The following EPHA7 variants were observed in gnomAD, a reference collection of about 807,000 sequenced individuals.
EPHA7 encodes the protein EPH receptor A7, also known as ephrin type-A receptor 7.
In EPHA7, 25 loss-of-function variants were observed where a neutral mutation model predicts 112.6. The ratio of observed to expected loss-of-function variants is 0.22; its 90% CI spans 0.16 to 0.31. EPHA7 has a LOEUF of 0.31. Ranked by LOEUF, EPHA7 falls within the 10% of genes least tolerant of loss-of-function variation. EPHA7 has a pLI of 1.00. For synonymous variants in EPHA7, 437 were observed against 406.5 expected (o/e 1.07, Z -0.90); for missense variants, 962 against 1,212.6 (o/e 0.79, Z 3.07).
chr6:93,338,217 T>C (rs1774969821), intron 5 of EPHA7, among the ~76,000 whole-genome samples: 1 of 152,082 alleles, frequency 6.6e-6, no homozygotes, highest in Non-Finnish European at 1.5e-5. Flanking sequence ...TCAGAGTGCT[T>C]GAGGAAATCA....
At chr6:93,254,579 T>A (rs1770353931) in intron 14 of EPHA7, 68 bp downstream of exon 14, 5 of 1,349,442 alleles carry the variant, frequency 3.7e-6, no homozygotes, top group Non-Finnish European at 3.1e-6. Flanking sequence ...AGCCTTTACC[T>A]ACATGTTCCA....
intron 16 of EPHA7, among the ~76,000 whole-genome samples, chr6:93,244,211 C>G (rs1404070438): frequency 6.6e-6 from 1 of 151,994 alleles, no homozygotes; most frequent in Non-Finnish European, 1.5e-5. Context: ...TAAAATATTG[C>G]AAAACTATAG....
intron 3 of EPHA7, among the ~76,000 whole-genome samples, chr6:93,405,813 G>GTGTGTATATATATATATA (rs1357089640): frequency 1.4e-5 from 1 of 73,984 alleles, no homozygotes; most frequent in East Asian, 6.1e-4. Flanking sequence ...GTGTGTGTGT[G>GTGTGTATATATATATATA]TATATATATA....
At position 93,415,379 on chromosome 6, in the gene EPHA7, AT is replaced by A. The variant is rs567627924; in HGVS notation, c.98-613del. 1.3e-5 allele frequency among the ~76,000 whole-genome samples: 2 copies of A among 151,740 alleles called. 1 individual carries two copies. The highest frequency in any genetic ancestry group is 6.4e-3 in the Middle Eastern group (2 of 314). ...TTAGTCAAGCATCAGTTTTTTCAGC[AT>A]TTTTTTTAATTTCTTAATTTTCAAA... On this transcript the variant is annotated intron_variant, in intron 1 of 16. Coordinates refer to ENST00000369303, the MANE Select transcript of EPHA7 (RefSeq NM_004440.4).
intron 3 of EPHA7, among the ~76,000 whole-genome samples, chr6:93,376,951 C>T (rs769115375): frequency 1.3e-5 from 2 of 152,158 alleles, no homozygotes; most frequent in Non-Finnish European, 2.9e-5. Flanking sequence ...CACCTTGATG[C>T]TTTACATTTT....
intron 5 of EPHA7, among the ~76,000 whole-genome samples, chr6:93,335,491 G>A (rs1287501830): frequency 1.3e-5 from 2 of 151,990 alleles, no homozygotes; most frequent in East Asian, 3.9e-4. Flanking sequence ...AGGACATAAG[G>A]AAATACTTTT....
At chr6:93,254,975 G>A (rs958524242) in intron 13 of EPHA7, among the ~76,000 whole-genome samples, 179 bp from the exon 14 acceptor site, 2 of 152,100 alleles carry the variant, frequency 1.3e-5, no homozygotes, top group African/African-American at 4.8e-5. Flanking sequence ...ACCATTACAA[G>A]TTTCATCATT....
chr6:93,386,341 C>CA (rs1247961904), intron 3 of EPHA7, among the ~76,000 whole-genome samples: 2 of 152,032 alleles, frequency 1.3e-5, no homozygotes, highest in African/African-American at 4.8e-5. Context: ...AGAAACTGGC[C>CA]AAAATGAAGA....
At chr6:93,296,744 G>A (rs1171716059) in intron 5 of EPHA7, among the ~76,000 whole-genome samples, 1 of 151,690 alleles carries the variant, frequency 6.6e-6, no homozygotes, top group African/African-American at 2.4e-5. Context: ...GAAAGCAGCA[G>A]ACACTGATAC....
intron 5 of EPHA7, among the ~76,000 whole-genome samples, chr6:93,338,894 T>C (rs1775005438): frequency 2.0e-5 from 3 of 150,172 alleles, no homozygotes; most frequent in African/African-American, 2.4e-5. Flanking sequence ...CATATCTCTA[T>C]ATATCTCTAT....
chr6:93,382,718 C>A (rs1263050943), intron 3 of EPHA7, among the ~76,000 whole-genome samples: 1 of 152,106 alleles, frequency 6.6e-6, no homozygotes, highest in Admixed American at 6.5e-5. Flanking sequence ...AGATCCTACT[C>A]GCTCCATGTG....
In EPHA7 at chr6:93,403,306, T is replaced by C. The variant is rs546123476; in HGVS notation, c.832+7195A>G. On this transcript the variant is annotated intron_variant, in intron 3 of 16. Coordinates refer to ENST00000369303, the MANE Select transcript of EPHA7 (RefSeq NM_004440.4). ...TTCTTTAAGAAATTTCATAAATATT[T>C]ATTGGAAGGCTAAGGTGGTGTAAGA... Among the ~76,000 whole-genome samples the C allele has an allele frequency of 4.6e-5, 7 of 151,624 alleles. No individual in the cohort carries two copies. In the East Asian group the frequency reaches 1.4e-3, roughly 29 times the overall value.
At chr6:93,249,545 C>A (rs146354030) in intron 14 of EPHA7, among the ~76,000 whole-genome samples, 1 of 151,936 alleles carries the variant, frequency 6.6e-6, no homozygotes, top group Admixed American at 6.6e-5. Flanking sequence ...GGAAAATGAG[C>A]GGCTTTTTGT....
intron 5 of EPHA7, among the ~76,000 whole-genome samples, chr6:93,351,302 C>G (rs1040347901): frequency 6.6e-6 from 1 of 152,004 alleles, no homozygotes; most frequent in Non-Finnish European, 1.5e-5. Flanking sequence ...CCCATCACAG[C>G]TCAGCCCTGC....
At chr6:93,365,800 G>C (rs1354771174) in intron 3 of EPHA7, among the ~76,000 whole-genome samples, 1 of 152,098 alleles carries the variant, frequency 6.6e-6, no homozygotes, top group Non-Finnish European at 1.5e-5. Flanking sequence ...GTACTTAAGT[G>C]CTCGATGATA....
chr6:93,398,525 T>G (rs1274735272), intron 3 of EPHA7, among the ~76,000 whole-genome samples: 1 of 151,980 alleles, frequency 6.6e-6, no homozygotes, highest in Non-Finnish European at 1.5e-5. Context: ...AGTGTAGAAT[T>G]TTCTCAAAGA....
intron 5 of EPHA7, among the ~76,000 whole-genome samples, chr6:93,356,196 C>T (rs935474817): frequency 2.0e-5 from 3 of 150,072 alleles, no homozygotes; most frequent in Admixed American, 6.7e-5. Flanking sequence ...TAAGGGTTTA[C>T]AATTTTATCT....
chr6:93,405,803 GTGTGTGTGTGTATATA>G (rs1418643559), intron 3 of EPHA7, among the ~76,000 whole-genome samples: 5 of 62,434 alleles, frequency 8.0e-5, no homozygotes, highest in South Asian at 6.1e-4. Context: ...GTGTGTGTGT[GTGTGTGTGTGTATATA>G]TATATATATA....
At chr6:93,414,665 T>C (rs376290238) in intron 2 of EPHA7, 38 bp downstream of exon 2, 3 of 1,517,194 alleles carry the variant, frequency 2.0e-6, no homozygotes, top group Admixed American at 1.7e-5. Flanking sequence ...TTGTTTCTTA[T>C]TTTAAAAAAG....
Sources: gnomAD v4.1 joint callset for allele counts (sites outside exome capture counted in the v4.1 genomes callset) on GRCh38, gnomAD v4.1.1 for gene constraint, MANE v1.5 for transcripts, NCBI Gene and HGNC (gene_info 2026-07-23, HGNC 2026-07-21) for gene names.